The following DDX1 variants were observed in gnomAD, a reference collection of about 807,000 sequenced individuals.
DDX1 encodes DEAD-box helicase 1, also known as ATP-dependent RNA helicase DDX1.
A neutral mutation model predicts 108.7 loss-of-function variants in DDX1; 28 were observed. The observed-to-expected ratio is 0.26, with a 90% CI of 0.19 to 0.35. DDX1 has a LOEUF of 0.35. DDX1 is among the 10% of genes least tolerant of loss of function. The pLI, the probability that DDX1 is intolerant of heterozygous loss-of-function variation, is 1.00. For synonymous variants in DDX1, 295 were observed against 288.9 expected (o/e 1.02, Z -0.21); for missense variants, 710 against 884.5 (o/e 0.80, Z 2.50).
At chr2:15,592,347 G>A (rs1341641857) in intron 1 of DDX1, among the ~76,000 whole-genome samples, 2 of 152,204 alleles carry the variant, frequency 1.3e-5, no homozygotes, top group African/African-American at 2.4e-5. Flanking sequence ...TCTGGGCTTG[G>A]CCAGGCAGAG....
At chr2:15,605,604 G>A (rs533001286) in intron 10 of DDX1, among the ~76,000 whole-genome samples, 5 of 152,262 alleles carry the variant, frequency 3.3e-5, no homozygotes, top group Admixed American at 6.5e-5. Context: ...AATGGAAATC[G>A]GAGTTTCACT....
At chr2:15,602,112 T>C in intron 6 of DDX1, among the ~76,000 whole-genome samples, 1 of 152,232 alleles carries the variant, frequency 6.6e-6, no homozygotes, top group East Asian at 1.9e-4. Flanking sequence ...AATTTAAGTA[T>C]AAAATCAGGA....
At chr2:15,627,377 C>T (rs1463235353) in intron 20 of DDX1, 1 of 305,902 alleles carries the variant, frequency 3.3e-6, no homozygotes, top group Non-Finnish European at 6.0e-6. Context: ...TTTTCAATTT[C>T]AGAAATTTTA....
chr2:15,613,517 C>T (rs1436355829), intron 14 of DDX1, among the ~76,000 whole-genome samples: 2 of 152,094 alleles, frequency 1.3e-5, no homozygotes, highest in Non-Finnish European at 2.9e-5. Flanking sequence ...TGTTGTTTAC[C>T]CTCTGAACAT....
At chr2:15,595,007 C>A (rs1221156841) in intron 1 of DDX1, 138 bp from the exon 2 acceptor site, 2 of 581,568 alleles carry the variant, frequency 3.4e-6, no homozygotes, top group South Asian at 6.4e-5. Context: ...GCTCTTTCAA[C>A]AGTGCCACGC....
At chr2:15,607,396 A>C in intron 13 of DDX1, 83 bp downstream of exon 13, 1 of 1,323,274 alleles carries the variant, frequency 7.6e-7, no homozygotes. Context: ...AGAAAAATGA[A>C]GTAGAAATTC....
rs924369697 is a variant in DDX1 at position 15,602,691 on chromosome 2, G to GT, written c.391+67dup. The GT allele has an allele frequency of 2.4e-5, 30 of 1,272,854 alleles. No individual in the cohort carries two copies. The African/African-American group carries it at 3.5e-4, about 15-fold the overall frequency. The allele number at this position is 1,272,854 out of a possible 1,614,324, so 78.8% of individuals were successfully genotyped here. ...TGAGGCAAGGTATTAATACGTGAGG[G>GT]TTTTTTTGTTGTTGTTTGTTTGTTT... On this transcript the variant is annotated intron_variant, in intron 7 of 25. Coordinates refer to ENST00000233084, the MANE Select transcript of DDX1 (RefSeq NM_004939.3).
chr2:15,592,744 T>G (rs1665435617), intron 1 of DDX1, among the ~76,000 whole-genome samples: 1 of 152,184 alleles, frequency 6.6e-6, no homozygotes, highest in South Asian at 2.1e-4. Context: ...TATGTAGCAC[T>G]TATGTAACGT....
At chr2:15,594,323 A>C (rs1665466797) in intron 1 of DDX1, among the ~76,000 whole-genome samples, 1 of 152,172 alleles carries the variant, frequency 6.6e-6, no homozygotes, top group African/African-American at 2.4e-5. Context: ...TTTTTATGAT[A>C]AAGCTATATT....
chr2:15,630,027 T>C lies in DDX1; in HGVS notation c.2009T>C (p.Ile670Thr), dbSNP rs146317353. 6.2e-7 allele frequency: 1 copy of C among 1,613,130 alleles called. No homozygotes were observed. The highest frequency in any genetic ancestry group is 8.5e-7 in the Non-Finnish European group (1 of 1,179,264). ...ATAGAAGAACACCTGAACTGTACCATTTCTCAGGTTGAGCCGGATATAAAG... is the reference window on the plus strand; with the variant it reads ...ATAGAAGAACACCTGAACTGTACCACTTCTCAGGTTGAGCCGGATATAAAG... Reference protein sequence around the residue: ...SEIEEHLNCTISQVEPDIKVP... With the variant: ...SEIEEHLNCTTSQVEPDIKVP... The change falls in exon 25 of 26, where the codon ATT (isoleucine) becomes ACT (threonine). Residue 670 changes from isoleucine (I) to threonine (T), a missense_variant. By Grantham distance (89) the Ile-to-Thr change is moderately conservative. This residue lies in a region of DDX1 where 661 missense variants were observed against 810.2 expected (regional missense o/e 0.82). Coordinates refer to ENST00000233084, the MANE Select transcript of DDX1 (RefSeq NM_004939.3).
intron 17 of DDX1, 151 bp downstream of exon 17, chr2:15,620,547 G>T: frequency 1.8e-6 from 1 of 547,576 alleles, no homozygotes; most frequent in Non-Finnish European, 3.1e-6. Flanking sequence ...AAAAAGCACT[G>T]AATAAGTGAT....
intron 8 of DDX1, 83 bp from the exon 9 acceptor site, chr2:15,603,731 A>G (rs1299496739): frequency 2.2e-6 from 2 of 893,862 alleles, no homozygotes; most frequent in South Asian, 1.7e-5. Flanking sequence ...TGGACATACT[A>G]TGTGAATAAA....
At chr2:15,611,573 GA>G (rs1461080500) in intron 13 of DDX1, among the ~76,000 whole-genome samples, 1 of 62,206 alleles carries the variant, frequency 1.6e-5, no homozygotes, top group Non-Finnish European at 2.9e-5. Context: ...CTGACCCCCC[GA>G]CCTCCCTCCC....
chr2:15,620,188 T>C lies in DDX1; in HGVS notation c.1207-20T>C. 1 of 1,596,172 alleles carries C rather than the reference T, an allele frequency of 6.3e-7. No homozygotes were observed. The highest frequency in any genetic ancestry group is 8.5e-7 in the Non-Finnish European group (1 of 1,170,798). On this transcript the variant is annotated intron_variant, in intron 16 of 25. Coordinates refer to ENST00000233084, the MANE Select transcript of DDX1 (RefSeq NM_004939.3). Reference sequence around the variant, plus strand: ...TATTATTATAAAAGTTCATCTCAATTTGGGGTTTCCTCTTCTTAGGTGATT... The same window carrying C: ...TATTATTATAAAAGTTCATCTCAATCTGGGGTTTCCTCTTCTTAGGTGATT...
chr2:15,602,592 G>C lies in DDX1; in HGVS notation c.352G>C (p.Glu118Gln), dbSNP rs1472019387. The change falls in exon 7 of 26, where the codon GAA becomes CAA. Residue 118 changes from glutamate (E) to glutamine (Q), a missense_variant. By Grantham distance (29) the Glu-to-Gln change is conservative. This residue lies in a region of DDX1 where 661 missense variants were observed against 810.2 expected (regional missense o/e 0.82). Coordinates refer to ENST00000233084, the MANE Select transcript of DDX1 (RefSeq NM_004939.3). ...GLCCQSREVK[E>Q]WHGCRATKGL... ...TTGTTGTCAAAGCAGAGAAGTAAAG[G>C]AATGGCATGGGTGTAGAGCTACTAA... 2 of 1,613,674 alleles carry C rather than the reference G, an allele frequency of 1.2e-6. No individual in the cohort carries two copies. Among genetic ancestry groups the C allele is most frequent in the African/African-American group, 2.7e-5 (2 of 74,942 alleles).
At position 15,617,785 on chromosome 2, in the gene DDX1, A is replaced by C. The variant is rs539626392; in HGVS notation, c.1117-396A>C. Among the ~76,000 whole-genome samples, 207 of 152,284 alleles carry C rather than the reference A, an allele frequency of 1.4e-3. 1 individual carries two copies. The highest frequency in any genetic ancestry group is 4.8e-3 in the African/African-American group (200 of 41,572). ...AATGTAGACCATCTGGAAGGACATA[A>C]ATGTGTTTGAGTCTCTTAGACATAC... On this transcript the variant is annotated intron_variant, in intron 15 of 25. Transcript: ENST00000233084.
intron 2 of DDX1, 74 bp from the exon 3 acceptor site, chr2:15,595,416 A>C (rs1055013801): frequency 7.0e-6 from 9 of 1,288,768 alleles, no homozygotes; most frequent in Non-Finnish European, 1.0e-5. Flanking sequence ...CTTTTAGGCA[A>C]ATTAACGTGA....
chr2:15,620,359 A>G lies in DDX1; in HGVS notation c.1358A>G (p.Asp453Gly). 1 of 1,613,884 alleles carries G rather than the reference A, an allele frequency of 6.2e-7. No homozygotes were observed. Among genetic ancestry groups the G allele is most frequent in the Non-Finnish European group, 8.5e-7 (1 of 1,179,944 alleles). The change falls in exon 17 of 26, where the codon GAC becomes GGC. Residue 453 changes from aspartate to glycine, a missense_variant. Coordinates refer to ENST00000233084, the MANE Select transcript of DDX1 (RefSeq NM_004939.3). Reference protein sequence around the residue: ...HVVVPVNPKTDRLWERLGKSH... With the variant: ...HVVVPVNPKTGRLWERLGKSH... ...GTTGTCCCAGTAAATCCCAAAACTG[A>G]CAGACTCTGGGAAAGGCTTGGAAAG...
intron 23 of DDX1, among the ~76,000 whole-genome samples, chr2:15,629,056 G>GC (rs1346210390): frequency 6.6e-6 from 1 of 152,088 alleles, no homozygotes; most frequent in African/African-American, 2.4e-5. Context: ...TTTCCAACTA[G>GC]CTTTATTGTA....
Sources: gnomAD v4.1 joint callset for allele counts (sites outside exome capture counted in the v4.1 genomes callset) on GRCh38, gnomAD v4.1.1 for gene constraint, gnomAD v4.1.1 regional missense constraint, MANE v1.5 for transcripts, NCBI Gene and HGNC (gene_info 2026-07-23, HGNC 2026-07-21) for gene names.